The following DOCK10 variants were observed in gnomAD, a reference collection of about 807,000 sequenced individuals.
DOCK10 encodes the protein dedicator of cytokinesis 10, also known as dedicator of cytokinesis protein 10.
A neutral mutation model predicts 280.1 loss-of-function variants in DOCK10; 145 were observed. The ratio of observed to expected loss-of-function variants is 0.52; its 90% CI spans 0.45 to 0.59. The LOEUF is 0.59. Among genes scored for constraint, DOCK10 ranks in the 20% least tolerant of loss-of-function variants. The pLI, the probability that DOCK10 is intolerant of heterozygous loss-of-function variation, is 0.00. For synonymous variants in DOCK10, 915 were observed against 942.2 expected (o/e 0.97, Z 0.53); for missense variants, 2,368 against 2,651.7 (o/e 0.89, Z 2.35).
At chr2:224,990,597 T>TTG (rs1706099543) in intron 1 of DOCK10, among the ~76,000 whole-genome samples, 1 of 122,452 alleles carries the variant, frequency 8.2e-6, no homozygotes, top group African/African-American at 6.3e-5. Flanking sequence ...GTTTTTGTTG[T>TTG]AGTTGTTGTT....
chr2:224,856,860 C>A lies in DOCK10; in HGVS notation c.1808G>T (p.Arg603Met). 1 of 1,597,202 alleles carries A rather than the reference C, an allele frequency of 6.3e-7. No homozygotes were observed. ...DLVKLVSDYRRADRISKMQTI... is the reference protein window; with the variant it reads ...DLVKLVSDYRMADRISKMQTI... Reference sequence around the variant, plus strand: ...TTTCGAGAGTATAAAAAAAACATACCTTCTATAATCTGATACTAGTTTAAC... The same window carrying A: ...TTTCGAGAGTATAAAAAAAACATACATTCTATAATCTGATACTAGTTTAAC... Residue 603 changes from arginine (R) to methionine (M), a missense_variant and splice_region_variant, in exon 15 of 56, where the codon AGG becomes ATG. By Grantham distance (91) the Arg-to-Met change is moderately conservative (BLOSUM62 -1). Around this residue, in one of 2 missense-constraint regions of DOCK10, gnomAD observed 1,209 missense variants for 1,250.9 expected, o/e 0.97. Transcript: ENST00000258390.
intron 10 of DOCK10, 41 bp downstream of exon 10, chr2:224,874,225 T>A: frequency 6.3e-7 from 1 of 1,599,662 alleles, no homozygotes; most frequent in East Asian, 2.2e-5. Context: ...CCCAACTGTA[T>A]GGATCAAGTT....
At position 224,916,795 on chromosome 2, in the gene DOCK10, C is replaced by T; in HGVS notation, c.244-11G>A. ...GGAAACTGTGGCTGCCTGAAACGAACAATGAAAAGAAATTGAGTCCTCCGG... is the reference window on the plus strand; with the variant it reads ...GGAAACTGTGGCTGCCTGAAACGAATAATGAAAAGAAATTGAGTCCTCCGG... On this transcript the variant is annotated splice_polypyrimidine_tract_variant and intron_variant, in intron 2 of 55. Transcript: ENST00000258390. The T allele has an allele frequency of 6.2e-7, 1 of 1,601,538 alleles. No homozygotes were observed. Among genetic ancestry groups the T allele is most frequent in the Non-Finnish European group, 8.5e-7 (1 of 1,172,890 alleles).
intron 1 of DOCK10, among the ~76,000 whole-genome samples, chr2:224,939,045 T>C (rs1001330906): frequency 9.8e-5 from 15 of 152,310 alleles, no homozygotes; most frequent in African/African-American, 3.6e-4. Context: ...CAAACTCAGA[T>C]TAAGCTGAAT....
At chr2:224,944,999 T>C (rs573930396) in intron 1 of DOCK10, among the ~76,000 whole-genome samples, 1 of 152,350 alleles carries the variant, frequency 6.6e-6, no homozygotes, top group East Asian at 1.9e-4. Flanking sequence ...TCAATTAAGA[T>C]AATTCATAGA....
At position 224,778,120 on chromosome 2, in the gene DOCK10, A is replaced by G. The variant is rs1691004283; in HGVS notation, c.5802+18T>C. The G allele has an allele frequency of 1.2e-5, 20 of 1,610,026 alleles. No individual in the cohort carries two copies. Among genetic ancestry groups the G allele is most frequent in the Non-Finnish European group, 1.7e-5 (20 of 1,177,284 alleles). ...CAGTCAATTCTTAGCACTTGCATGA[A>G]TACTGATTTTCCTCTACCTTGTTGG... On this transcript the variant is annotated intron_variant, in intron 51 of 55. Coordinates refer to ENST00000258390, the MANE Select transcript of DOCK10 (RefSeq NM_014689.3).
chr2:224,865,920 A>G (rs1697882081), intron 11 of DOCK10, among the ~76,000 whole-genome samples: 1 of 145,626 alleles, frequency 6.9e-6, no homozygotes, highest in Non-Finnish European at 1.5e-5. Flanking sequence ...CTCTCTCTCT[A>G]ACAGTCACCT....
rs912723362 is a variant in DOCK10, at chr2:224,970,338, G to T, written c.124-38670C>A. 2.1e-4 allele frequency among the ~76,000 whole-genome samples: 32 copies of T among 152,112 alleles called. No individual in the cohort carries two copies. Among genetic ancestry groups the T allele is most frequent in the African/African-American group, 7.7e-4 (32 of 41,422 alleles). On this transcript the variant is annotated intron_variant, in intron 1 of 55. Transcript: ENST00000258390. This position sits in a 1 kb window ranked among gnomAD's most constrained non-coding sequence, Gnocchi z 4.6. ...GTTTTCATTTAGATCATCACCAACA[G>T]CTTTGTGAGGAATCCCCACCATGCT...
intron 1 of DOCK10, among the ~76,000 whole-genome samples, chr2:224,973,163 G>T (rs947867684): frequency 6.6e-6 from 1 of 152,184 alleles, no homozygotes; most frequent in African/African-American, 2.4e-5. Context: ...GCAAGTGCCA[G>T]GCACTCTTAC....
At chr2:224,780,780 G>C (rs1691272925) in intron 50 of DOCK10, among the ~76,000 whole-genome samples, 1 of 151,928 alleles carries the variant, frequency 6.6e-6, no homozygotes, top group African/African-American at 2.4e-5. Flanking sequence ...CACGCCTGTA[G>C]TCCCAGCTAC....
At chr2:224,846,505 T>C (rs1338128875) in intron 19 of DOCK10, among the ~76,000 whole-genome samples, 2 of 150,858 alleles carry the variant, frequency 1.3e-5, no homozygotes, top group Non-Finnish European at 3.0e-5. Flanking sequence ...TCTGGCTTTT[T>C]TTTTTTTTTT....
At chr2:224,910,620 A>G (rs2125910860) in intron 3 of DOCK10, among the ~76,000 whole-genome samples, 1 of 152,354 alleles carries the variant, frequency 6.6e-6, no homozygotes, top group Non-Finnish European at 1.5e-5. Context: ...TTAGAAGTGT[A>G]TCTGGCACAA....
intron 1 of DOCK10, among the ~76,000 whole-genome samples, chr2:225,032,643 T>A (rs142869313): frequency 8.9e-4 from 136 of 152,336 alleles, no homozygotes; most frequent in Non-Finnish European, 1.2e-4. Context: ...AAAAGTTGAG[T>A]TCTAACATCA....
chr2:224,831,816 A>G (rs1342021285), intron 26 of DOCK10, among the ~76,000 whole-genome samples: 1 of 152,150 alleles, frequency 6.6e-6, no homozygotes, highest in East Asian at 1.9e-4. Flanking sequence ...TGTCCTCTGG[A>G]GGTCCTGGAG....
At chr2:224,950,951 C>T (rs911976777) in intron 1 of DOCK10, among the ~76,000 whole-genome samples, 5 of 152,130 alleles carry the variant, frequency 3.3e-5, no homozygotes, top group Non-Finnish European at 4.4e-5. Context: ...ATGTCCTGGA[C>T]AGGTGAGGTT....
At chr2:224,952,466 A>G (rs2126126419) in intron 1 of DOCK10, among the ~76,000 whole-genome samples, 1 of 152,310 alleles carries the variant, frequency 6.6e-6, no homozygotes, top group South Asian at 2.1e-4. Context: ...AATAAAGGTG[A>G]GAAGTCGAAT....
intron 1 of DOCK10, among the ~76,000 whole-genome samples, chr2:224,966,931 T>C (rs546414194): frequency 6.2e-4 from 94 of 151,710 alleles, no homozygotes; most frequent in Non-Finnish European, 7.7e-4. Context: ...TTTCATGGTA[T>C]CAGGGATAAA....
At chr2:224,998,200 C>T (rs924441259) in intron 1 of DOCK10, among the ~76,000 whole-genome samples, 2 of 152,168 alleles carry the variant, frequency 1.3e-5, no homozygotes, top group African/African-American at 4.8e-5. Context: ...AAGTGGCAAT[C>T]TATTTTGGAT....
chr2:224,765,920 A>G (rs903705524), intron 55 of DOCK10, 83 bp from the exon 56 acceptor site: 1 of 984,030 alleles, frequency 1.0e-6, no homozygotes, highest in Admixed American at 2.5e-5. Context: ...CCCAGAATAG[A>G]GGTTTTCATT....
Sources: gnomAD v4.1 joint callset for allele counts (sites outside exome capture counted in the v4.1 genomes callset) on GRCh38, gnomAD v4.1.1 for gene constraint, gnomAD v4.1.1 regional missense constraint, Gnocchi (gnomAD v3.1) non-coding constraint, MANE v1.5 for transcripts, NCBI Gene and HGNC (gene_info 2026-07-23, HGNC 2026-07-21) for gene names.